Variants in ARMC2 observed in about 807,000 individuals in gnomAD.
ARMC2 encodes armadillo repeat containing 2, also known as armadillo repeat-containing protein 2.
In ARMC2, 67 loss-of-function variants were observed where a neutral mutation model predicts 90.3. The ratio of observed to expected loss-of-function variants is 0.74; its 90% CI spans 0.61 to 0.91. The LOEUF is 0.91. Ranked by LOEUF, ARMC2 falls within the 40% of genes least tolerant of loss-of-function variation. ARMC2 has a pLI of 0.00. For missense variants in ARMC2, 920 were observed against 1,030.9 expected (o/e 0.89, Z 1.47); for synonymous variants, 393 against 393.0 (o/e 1.00, Z 0.00).
intron 6 of ARMC2, among the ~76,000 whole-genome samples, chr6:108,898,722 C>A (rs1771851737): frequency 6.6e-6 from 1 of 152,170 alleles, no homozygotes; most frequent in South Asian, 2.1e-4. Flanking sequence ...TGACCCCAGG[C>A]AGATAACTTA....
the ARMC2 span, among the ~76,000 whole-genome samples, chr6:109,051,308 T>A: frequency 6.6e-6 from 1 of 150,896 alleles, no homozygotes; most frequent in African/African-American, 2.4e-5. Flanking sequence ...AAAAATTATT[T>A]ACCAAACATT....
At chr6:108,871,981 A>G (rs915682636) in intron 4 of ARMC2, among the ~76,000 whole-genome samples, 1 of 152,352 alleles carries the variant, frequency 6.6e-6, no homozygotes, top group South Asian at 2.1e-4. Flanking sequence ...TCATCCAATT[A>G]TAAAGTTATA....
At chr6:108,852,683 G>A (rs1473751911) in intron 1 of ARMC2, among the ~76,000 whole-genome samples, 1 of 152,158 alleles carries the variant, frequency 6.6e-6, no homozygotes, top group Non-Finnish European at 1.5e-5. Flanking sequence ...AGATTTGCCA[G>A]ATTACTTTTG....
chr6:108,907,544 T>A, intron 8 of ARMC2: 1 of 1,303,082 alleles, frequency 7.7e-7, no homozygotes, highest in South Asian at 1.3e-5. Context: ...ACGATCGAGA[T>A]TGTGTTCCTC....
chr6:108,862,565 C>T (rs554903748), intron 3 of ARMC2, among the ~76,000 whole-genome samples: 1 of 152,192 alleles, frequency 6.6e-6, no homozygotes, highest in South Asian at 2.1e-4. Flanking sequence ...GCTACCTGAC[C>T]TTCCACCTTT....
chr6:108,919,669 C>T (rs1001037139), intron 10 of ARMC2, among the ~76,000 whole-genome samples: 3 of 152,038 alleles, frequency 2.0e-5, no homozygotes, highest in African/African-American at 7.2e-5. Context: ...AGATCTTATA[C>T]GTTTGATGAG....
the ARMC2 span, among the ~76,000 whole-genome samples, chr6:109,003,302 C>CT: frequency 2.0e-5 from 3 of 150,548 alleles, no homozygotes; most frequent in African/African-American, 7.3e-5. Flanking sequence ...ATTCTACTCT[C>CT]TCCTTACTGC....
At chr6:109,024,188 A>G in the ARMC2 span, among the ~76,000 whole-genome samples, 2 of 152,218 alleles carry the variant, frequency 1.3e-5, no homozygotes, top group Non-Finnish European at 2.9e-5. Context: ...TTCAGTGGAA[A>G]ACCCTTCACC....
the ARMC2 span, among the ~76,000 whole-genome samples, chr6:109,010,228 A>G: frequency 3.3e-5 from 5 of 152,200 alleles, no homozygotes; most frequent in South Asian, 2.1e-4. Context: ...CAGAATTTCA[A>G]TCTCTGAAAT....
intron 4 of ARMC2, among the ~76,000 whole-genome samples, chr6:108,875,937 T>A (rs1312454117): frequency 1.3e-5 from 2 of 152,212 alleles, no homozygotes; most frequent in Non-Finnish European, 2.9e-5. Flanking sequence ...TCTATACATT[T>A]TTACCTGCAG....
chr6:108,957,584 C>T (rs1777689828), intron 13 of ARMC2, among the ~76,000 whole-genome samples: 2 of 152,148 alleles, frequency 1.3e-5, no homozygotes, highest in Non-Finnish European at 2.9e-5. Flanking sequence ...TGTGGCATGG[C>T]CCCCTTCCCT....
At chr6:108,861,031 C>T (rs537746816) in intron 3 of ARMC2, among the ~76,000 whole-genome samples, 2 of 152,286 alleles carry the variant, frequency 1.3e-5, no homozygotes, top group East Asian at 3.9e-4. Flanking sequence ...TTAAGGAAGA[C>T]CCTCTGTTTT....
At chr6:108,857,758 T>C (rs1334512620) in intron 2 of ARMC2, among the ~76,000 whole-genome samples, 2 of 138,294 alleles carry the variant, frequency 1.4e-5, no homozygotes, top group South Asian at 2.2e-4. Flanking sequence ...CTCTTTAGCT[T>C]GTATTTTATG....
At chr6:108,894,646 G>T in intron 6 of ARMC2, 103 bp downstream of exon 6, 3 of 935,684 alleles carry the variant, frequency 3.2e-6, no homozygotes, top group Non-Finnish European at 4.6e-6. Flanking sequence ...AAGGAAGTTT[G>T]TCCAATTTGG....
chr6:109,002,719 C>T, the ARMC2 span, among the ~76,000 whole-genome samples: 1 of 152,024 alleles, frequency 6.6e-6, no homozygotes, highest in Admixed American at 6.6e-5. Context: ...CCCTGTGCAT[C>T]GTCAGAAAAT....
At chr6:108,991,228 AGTGT>A in the ARMC2 span, among the ~76,000 whole-genome samples, 18,870 of 148,010 alleles carry the variant, frequency 0.13, 1,262 homozygotes, top group Middle Eastern at 0.23. Context: ...TCAAATTATG[AGTGT>A]GTGTGTGTGT....
the ARMC2 span, among the ~76,000 whole-genome samples, chr6:109,021,662 G>C: frequency 1.3e-5 from 2 of 152,000 alleles, no homozygotes; most frequent in Admixed American, 6.5e-5. Flanking sequence ...GGCTGGTCTC[G>C]AACTCCTGAC....
chr6:108,915,699 G>T (rs1437907255), intron 10 of ARMC2, among the ~76,000 whole-genome samples: 2 of 152,148 alleles, frequency 1.3e-5, no homozygotes, highest in African/African-American at 4.8e-5. Context: ...GGGCTGTCTA[G>T]AGTAGAGATT....
intron 2 of ARMC2, among the ~76,000 whole-genome samples, chr6:108,855,250 CTTTT>C (rs1256172618): frequency 7.2e-6 from 1 of 138,158 alleles, no homozygotes. Context: ...TTTTGTTTTT[CTTTT>C]TTTTTTTTTT....
Sources: allele counts gnomAD v4.1 joint callset (sites outside exome capture counted in the v4.1 genomes callset), GRCh38; gene constraint gnomAD v4.1.1; transcripts MANE v1.5; gene names NCBI Gene and HGNC (gene_info 2026-07-23, HGNC 2026-07-21).